Variants in COPG1 observed in about 807,000 individuals in gnomAD.
COPG1 encodes coat protein complex I subunit gamma 1.
COPG1 carries 29 observed loss-of-function variants against 102.8 expected under a neutral mutation model. That is an observed-to-expected ratio of 0.28 (90% CI 0.21 to 0.38). COPG1 has a LOEUF of 0.38. Among genes scored for constraint, COPG1 ranks in the 10% least tolerant of loss-of-function variants. The pLI, the probability that COPG1 is intolerant of heterozygous loss-of-function variation, is 1.00. For missense variants in COPG1, 875 were observed against 1,132.7 expected, an observed-to-expected ratio of 0.77 and a Z score of 3.27; for synonymous variants, 406 against 421.6, an observed-to-expected ratio of 0.96 and a Z score of 0.45.
In COPG1 at chr3:129,262,722, G is replaced by GA. The variant is rs71674809; in HGVS notation, c.1129-1169dup. Among the ~76,000 whole-genome samples the GA allele has an allele frequency of 1.1e-3, 161 of 142,234 alleles. 1 individual carries two copies. The highest frequency in any genetic ancestry group is 1.8e-3 in the African/African-American group (69 of 38,394). The allele number at this position is 142,234 out of a possible 152,430, so 93.3% of individuals were successfully genotyped here. On this transcript the variant is annotated intron_variant, in intron 12 of 23. Coordinates refer to ENST00000314797, the MANE Select transcript of COPG1 (RefSeq NM_016128.4). ...TGGGTGACAGAGTGAGACCTTGTCT[G>GA]AAAAAAAAAAAAATTGGCTGGGCGC...
At chr3:129,269,916 G>C (rs1409340921) in intron 18 of COPG1, among the ~76,000 whole-genome samples, 5 of 151,338 alleles carry the variant, frequency 3.3e-5, no homozygotes, top group Admixed American at 1.3e-4. Flanking sequence ...GAGGCTCCAG[G>C]TATTGCCCCC....
intron 10 of COPG1, 79 bp from the exon 11 acceptor site, chr3:129,260,254 A>G (rs1037669770): frequency 2.3e-6 from 3 of 1,306,128 alleles, no homozygotes; most frequent in Middle Eastern, 1.8e-4. Flanking sequence ...AGAGGGTTTG[A>G]GTCAGAACAG....
In COPG1 at chr3:129,265,655, A is replaced by G; in HGVS notation, c.1331A>G (p.Glu444Gly). 1 of 1,614,228 alleles carries G rather than the reference A, an allele frequency of 6.2e-7. No individual in the cohort carries two copies. The highest frequency in any genetic ancestry group is 2.2e-5 in the East Asian group (1 of 44,880). The change falls in exon 14 of 24, where the codon GAG (glutamate) becomes GGG (glycine). Residue 444 changes from glutamate to glycine, a missense_variant. By Grantham distance (98) the Glu-to-Gly change is moderately conservative. Coordinates refer to ENST00000314797, the MANE Select transcript of COPG1 (RefSeq NM_016128.4). ...CTGTCACATCTGTGCGAGTTCATCG[A>G]GGACTGCGAGTTCACAGTGCTGGCC... ...TGLSHLCEFI[E>G]DCEFTVLATR...
intron 15 of COPG1, among the ~76,000 whole-genome samples, chr3:129,267,690 G>A (rs941646929): frequency 2.6e-5 from 4 of 152,250 alleles, no homozygotes; most frequent in African/African-American, 9.6e-5. Context: ...TGTGTAGTTT[G>A]ATGGGTTTTA....
intron 12 of COPG1, among the ~76,000 whole-genome samples, chr3:129,262,597 C>T (rs1181461065): frequency 6.6e-6 from 1 of 151,950 alleles, no homozygotes; most frequent in Non-Finnish European, 1.5e-5. Flanking sequence ...GTGATGCGCA[C>T]CTGTAGTCCC....
chr3:129,251,245 A>T (rs1487299105), intron 2 of COPG1, among the ~76,000 whole-genome samples: 3 of 150,978 alleles, frequency 2.0e-5, no homozygotes, highest in East Asian at 3.9e-4. Context: ...CATTTAAAAA[A>T]TTTCTCTATT....
chr3:129,252,934 A>T lies in COPG1; in HGVS notation c.302A>T (p.Asp101Val). ...AAGGAGATGTCTTGCATTGCAGAGGATGTCATCATTGTCACCAGCAGGCAA... is the reference window on the plus strand; with the variant it reads ...AAGGAGATGTCTTGCATTGCAGAGGTTGTCATCATTGTCACCAGCAGGCAA... ...TIKEMSCIAE[D>V]VIIVTSSLTK... The change falls in exon 5 of 24, where the codon GAT becomes GTT. Residue 101 changes from aspartate to valine, a missense_variant. Transcript: ENST00000314797. 6.2e-7 allele frequency: 1 copy of T among 1,614,128 alleles called. No individual in the cohort carries two copies. Among genetic ancestry groups the T allele is most frequent in the Admixed American group, 1.7e-5 (1 of 60,004 alleles).
Position 129,267,035 on chromosome 3 carries a change from G to C in COPG1, c.1480G>C (p.Ala494Pro). 6.2e-7 allele frequency: 1 copy of C among 1,613,672 alleles called. No individual in the cohort carries two copies. Among genetic ancestry groups the C allele is most frequent in the South Asian group, 1.1e-5 (1 of 91,068 alleles). ...HEEVRAGAVS[A>P]LAKFGAQNEE... The stretch of plus-strand genomic sequence containing the variant: ...CTTCCTAAACACAGGTGCTGTGAGT[G>C]CTCTGGCGAAGTTTGGAGCCCAGAA... Residue 494 changes from alanine to proline, a missense_variant, in exon 15 of 24, where the codon GCT becomes CCT. Ala to Pro is a conservative substitution (Grantham distance 27). Transcript: ENST00000314797.
Position 129,272,435 on chromosome 3 carries a change from C to A in COPG1, c.2158+20C>A. 6.2e-7 allele frequency: 1 copy of A among 1,602,900 alleles called. No individual in the cohort carries two copies. Among genetic ancestry groups the A allele is most frequent in the Non-Finnish European group, 8.5e-7 (1 of 1,173,992 alleles). On this transcript the variant is annotated intron_variant, in intron 20 of 23. Transcript: ENST00000314797. ...CAGCTGGTGAGCCCCTCTCCAGATACCACCCTATCCTCCTGGGAGCTCATG... is the reference window on the plus strand; with the variant it reads ...CAGCTGGTGAGCCCCTCTCCAGATAACACCCTATCCTCCTGGGAGCTCATG...
At chr3:129,259,390 G>A (rs1241747824) in intron 10 of COPG1, among the ~76,000 whole-genome samples, 3 of 151,496 alleles carry the variant, frequency 2.0e-5, no homozygotes, top group African/African-American at 7.3e-5. Context: ...GAACCTGGGA[G>A]GTGGAGGTTG....
rs752693406 is a variant in COPG1 at position 129,257,779 on chromosome 3, G to A, written c.790G>A (p.Glu264Lys). The part of the protein sequence containing the change: ...FIESCLRNKH[E>K]MVVYEAASAI... ...CGAGAGCTGCTTGCGCAACAAGCACGAGATGGTGGTGTATGAAGCCGCCTC... is the reference window on the plus strand; with the variant it reads ...CGAGAGCTGCTTGCGCAACAAGCACAAGATGGTGGTGTATGAAGCCGCCTC... The change falls in exon 10 of 24, where the codon GAG becomes AAG. Residue 264 changes from glutamate to lysine, a missense_variant. Transcript: ENST00000314797. 3.7e-6 allele frequency: 6 copies of A among 1,614,192 alleles called. No homozygotes were observed. Among genetic ancestry groups the A allele is most frequent in the East Asian group, 2.2e-5 (1 of 44,878 alleles).
chr3:129,254,654 C>T lies in COPG1; in HGVS notation c.324-14C>T, dbSNP rs1459490047. ...CAGGCTCTCTGCATGCTGACAATGC[C>T]TTCTTCCCTGCAGCCTAACAAAAGA... On this transcript the variant is annotated splice_polypyrimidine_tract_variant and intron_variant, in intron 5 of 23. Transcript: ENST00000314797. 1.2e-6 allele frequency: 2 copies of T among 1,612,202 alleles called. No homozygotes were observed. Among genetic ancestry groups the T allele is most frequent in the Non-Finnish European group, 1.7e-6 (2 of 1,178,368 alleles).
At chr3:129,254,124 C>A (rs1939756124) in intron 5 of COPG1, among the ~76,000 whole-genome samples, 1 of 151,942 alleles carries the variant, frequency 6.6e-6, no homozygotes, top group African/African-American at 2.4e-5. Context: ...TAGTGAAACC[C>A]CCTCTCTACT....
Position 129,277,620 on chromosome 3 carries a change from T to TTA in COPG1, c.*196_*197insTA, listed in dbSNP as rs62831762. On this transcript the variant is annotated 3_prime_UTR_variant, in exon 24 of 24. Coordinates refer to ENST00000314797, the MANE Select transcript of COPG1 (RefSeq NM_016128.4). ...TGGTGACTTTTTTTTTTTTTTTTTTTAAATAGGGGATGATTTTAGCTTGTC... is the reference window on the plus strand; with the variant it reads ...TGGTGACTTTTTTTTTTTTTTTTTTTTAAAATAGGGGATGATTTTAGCTTGTC... 5.9e-5 allele frequency: 29 copies of TTA among 491,524 alleles called. No individual in the cohort carries two copies. Among genetic ancestry groups the TTA allele is most frequent in the African/African-American group, 5.4e-4 (26 of 48,032 alleles). 30.4% of individuals were successfully genotyped at this position (491,524 alleles called of 1,614,324 possible).
In COPG1 at chr3:129,277,601, CTTT is replaced by C. The variant is rs35073725; in HGVS notation, c.*194_*196del. The C allele has an allele frequency of 2.9e-3, 866 of 301,308 alleles. No homozygotes were observed. The highest frequency in any genetic ancestry group is 3.3e-3 in the Non-Finnish European group (528 of 161,606). 18.7% of individuals were successfully genotyped at this position (301,308 alleles called of 1,614,324 possible). ...CCCACCCGGGACTACTTGCTGGTGA[CTTT>C]TTTTTTTTTTTTTTTTAAATAGGGG... On this transcript the variant is annotated 3_prime_UTR_variant, in exon 24 of 24. Coordinates refer to ENST00000314797, the MANE Select transcript of COPG1 (RefSeq NM_016128.4).
intron 7 of COPG1, among the ~76,000 whole-genome samples, chr3:129,255,508 A>T (rs111962912): frequency 5.4e-4 from 75 of 137,822 alleles, no homozygotes; most frequent in Middle Eastern, 4.3e-3. Context: ...TTTGAGACAG[A>T]GTCTCACTCT....
chr3:129,267,914 A>C (rs1189131638), intron 15 of COPG1, 23 bp from the exon 16 acceptor site: 1 of 1,605,532 alleles, frequency 6.2e-7, no homozygotes, highest in South Asian at 1.1e-5. Context: ...CCCAGTCAGG[A>C]CCACCTTGTG....
intron 7 of COPG1, among the ~76,000 whole-genome samples, chr3:129,255,478 C>T (rs6785963): frequency 0.072 from 9,665 of 135,116 alleles, 1,022 homozygotes; most frequent in African/African-American, 0.24. Context: ...TGCCTGGCCT[C>T]TCTTTCTTCT....
Position 129,250,694 on chromosome 3 carries a change from A to T in COPG1, c.50A>T (p.Asn17Ile). 3 of 1,614,056 alleles carry T rather than the reference A, an allele frequency of 1.9e-6. No homozygotes were observed. Among genetic ancestry groups the T allele is most frequent in the Non-Finnish European group, 2.5e-6 (3 of 1,179,970 alleles). Residue 17 changes from asparagine (N) to isoleucine (I), a missense_variant, in exon 2 of 24, where the codon AAC becomes ATC. By Grantham distance (149) the Asn-to-Ile change is moderately radical (BLOSUM62 -3). Coordinates refer to ENST00000314797, the MANE Select transcript of COPG1 (RefSeq NM_016128.4). The stretch of plus-strand genomic sequence containing the variant: ...TCCTTGACCGTAGGTGGAGGCTCCA[A>T]CCCATTCCAGCACCTTGAGAAGAGT... ...KKDEESGGGS[N>I]PFQHLEKSAV... is the part of the protein sequence containing the mutation.
Sources: allele counts gnomAD v4.1 joint callset (sites outside exome capture counted in the v4.1 genomes callset), GRCh38; gene constraint gnomAD v4.1.1; transcripts MANE v1.5; gene names NCBI Gene and HGNC (gene_info 2026-07-23, HGNC 2026-07-21).